Variants in PCCA observed in about 807,000 individuals in gnomAD.
PCCA encodes the protein propionyl-CoA carboxylase subunit alpha.
A neutral mutation model predicts 101.3 loss-of-function variants in PCCA; 74 were observed. That is an observed-to-expected ratio of 0.73 (90% CI 0.61 to 0.89). The LOEUF is 0.89. Among genes scored for constraint, PCCA ranks in the 40% least tolerant of loss-of-function variants. The pLI, the probability that PCCA is intolerant of heterozygous loss-of-function variation, is 0.00. For synonymous variants in PCCA, 294 were observed against 313.6 expected (o/e 0.94, Z 0.66); for missense variants, 891 against 907.0 (o/e 0.98, Z 0.23).
intron 1 of PCCA, among the ~76,000 whole-genome samples, 157 bp from the exon 2 acceptor site, chr13:100,102,726 T>C (rs930776143): frequency 2.0e-5 from 3 of 152,218 alleles, no homozygotes; most frequent in Admixed American, 2.0e-4. Flanking sequence ...TCTGTAGATA[T>C]GATTTCCCTT....
chr13:100,274,519 A>G (rs1225885439), intron 12 of PCCA, among the ~76,000 whole-genome samples: 1 of 152,158 alleles, frequency 6.6e-6, no homozygotes, highest in Non-Finnish European at 1.5e-5. Context: ...AGAGTCTATC[A>G]TGCAGGTTCC....
At chr13:100,249,054 G>C (rs551668000) in intron 8 of PCCA, among the ~76,000 whole-genome samples, 3 of 152,178 alleles carry the variant, frequency 2.0e-5, no homozygotes, top group East Asian at 1.9e-4. Context: ...ATGCCCGGCT[G>C]TGTCTTTATT....
At chr13:100,247,595 C>T (rs1594916203) in intron 8 of PCCA, among the ~76,000 whole-genome samples, 1 of 149,818 alleles carries the variant, frequency 6.7e-6, no homozygotes, top group East Asian at 2.0e-4. Flanking sequence ...CTCACTGCAA[C>T]CTCTGCCTCC....
intron 12 of PCCA, among the ~76,000 whole-genome samples, chr13:100,290,319 C>T (rs1566875143): frequency 6.6e-6 from 1 of 152,108 alleles, no homozygotes; most frequent in African/African-American, 2.4e-5. Context: ...TCAAGCAGTC[C>T]TCCTGCCTCG....
rs567773231 is a variant in PCCA, at chr13:100,189,746, G to A, written c.469-19586G>A. Reference sequence around the variant, plus strand: ...GCTGCTCTTGAACTCCTGAACTCAAGCAATCCCCTTGCTTTGGCCTCCCAA... The same window carrying A: ...GCTGCTCTTGAACTCCTGAACTCAAACAATCCCCTTGCTTTGGCCTCCCAA... On this transcript the variant is annotated intron_variant, in intron 6 of 23. Transcript: ENST00000376285. 4.6e-5 allele frequency among the ~76,000 whole-genome samples: 7 copies of A among 152,288 alleles called. No individual in the cohort carries two copies. The South Asian group carries it at 1.4e-3, about 32-fold the overall frequency.
At chr13:100,279,949 T>C (rs1445887421) in intron 12 of PCCA, among the ~76,000 whole-genome samples, 1 of 152,076 alleles carries the variant, frequency 6.6e-6, no homozygotes, top group African/African-American at 2.4e-5. Flanking sequence ...TTATTTTCTT[T>C]GAAATTTCCT....
chr13:100,184,649 A>T (rs1383206994), intron 6 of PCCA, among the ~76,000 whole-genome samples: 1 of 152,220 alleles, frequency 6.6e-6, no homozygotes, highest in Admixed American at 6.5e-5. Flanking sequence ...CTTCTGTTGT[A>T]GTGTGAAAGC....
intron 22 of PCCA, among the ~76,000 whole-genome samples, chr13:100,521,183 A>G (rs528107107): frequency 2.6e-5 from 4 of 152,222 alleles, no homozygotes; most frequent in Admixed American, 6.5e-5. Context: ...AAGGAATTTT[A>G]AAAGAAACTG....
chr13:100,166,665 TA>T (rs2152406021), intron 6 of PCCA, among the ~76,000 whole-genome samples: 1 of 152,310 alleles, frequency 6.6e-6, no homozygotes, highest in African/African-American at 2.4e-5. Context: ...ACCATATTTT[TA>T]GTAGCCATTC....
At chr13:100,440,548 A>T in intron 20 of PCCA, among the ~76,000 whole-genome samples, 1 of 152,032 alleles carries the variant, frequency 6.6e-6, no homozygotes, top group East Asian at 1.9e-4. Flanking sequence ...AGTAAAATTA[A>T]TATTTTAATT....
At chr13:100,399,091 T>C (rs1352070262) in intron 19 of PCCA, among the ~76,000 whole-genome samples, 2 of 152,136 alleles carry the variant, frequency 1.3e-5, no homozygotes, top group African/African-American at 4.8e-5. Flanking sequence ...GCTTTGCCTA[T>C]TTATATTTGC....
chr13:100,202,811 T>C (rs1211931045), intron 6 of PCCA, among the ~76,000 whole-genome samples: 1 of 151,964 alleles, frequency 6.6e-6, no homozygotes, highest in Non-Finnish European at 1.5e-5. Context: ...CTGTTTTCCT[T>C]ATTCACTCTT....
chr13:100,325,842 C>G (rs923468463), intron 16 of PCCA, among the ~76,000 whole-genome samples: 16 of 152,106 alleles, frequency 1.1e-4, no homozygotes, highest in Admixed American at 7.9e-4. Flanking sequence ...GGGCTGTCTT[C>G]TAAAGTTCTT....
chr13:100,528,941 C>T (rs549297729), intron 23 of PCCA, among the ~76,000 whole-genome samples: 6 of 152,234 alleles, frequency 3.9e-5, no homozygotes, highest in South Asian at 2.1e-4. Context: ...GGGCCCTGTG[C>T]GGCAGGTCTG....
chr13:100,268,351 C>A (rs929480780), intron 10 of PCCA, among the ~76,000 whole-genome samples: 2 of 152,162 alleles, frequency 1.3e-5, no homozygotes, highest in African/African-American at 4.8e-5. Flanking sequence ...GGTGGCACTC[C>A]TCAGCAACAT....
chr13:100,133,639 A>G (rs1427772746), intron 4 of PCCA, among the ~76,000 whole-genome samples: 1 of 152,102 alleles, frequency 6.6e-6, no homozygotes, highest in African/African-American at 2.4e-5. Flanking sequence ...CATTGAAAAT[A>G]GTATTTCTCT....
intron 4 of PCCA, among the ~76,000 whole-genome samples, chr13:100,140,170 T>A (rs2051694413): frequency 2.6e-5 from 4 of 152,220 alleles, no homozygotes; most frequent in Admixed American, 2.6e-4. Flanking sequence ...GTCTTCTTAC[T>A]TAGAAATCTG....
intron 19 of PCCA, among the ~76,000 whole-genome samples, chr13:100,417,555 G>GGCAGTCTGCCTGAGAGAT (rs377154230): frequency 2.6e-5 from 4 of 152,146 alleles, no homozygotes; most frequent in African/African-American, 7.2e-5. Flanking sequence ...AGAGTATCGT[G>GGCAGTCTGCCTGAGAGAT]GCAGTCTGCC....
chr13:100,376,421 C>T (rs143507868), intron 19 of PCCA, among the ~76,000 whole-genome samples: 2,103 of 152,316 alleles, frequency 0.014, 50 homozygotes, highest in African/African-American at 0.048. Context: ...CAGGCAGGAA[C>T]GCTTAAGTCT....
Sources: gnomAD v4.1 joint callset for allele counts (sites outside exome capture counted in the v4.1 genomes callset) on GRCh38, gnomAD v4.1.1 for gene constraint, MANE v1.5 for transcripts, NCBI Gene and HGNC (gene_info 2026-07-23, HGNC 2026-07-21) for gene names.